ABCA4: variants seen among roughly 807,000 people sequenced by gnomAD.
ABCA4 encodes retinal-specific phospholipid-transporting ATPase ABCA4.
A neutral mutation model predicts 263.7 loss-of-function variants in ABCA4; 196 were observed. The observed-to-expected ratio is 0.74, with a 90% CI of 0.66 to 0.84. The LOEUF (loss-of-function observed/expected upper bound fraction) is 0.84. Among genes scored for constraint, ABCA4 ranks in the 40% least tolerant of loss-of-function variants. The pLI, the probability that ABCA4 is intolerant of heterozygous loss-of-function variation, is 0.00. For synonymous variants in ABCA4, 1,133 were observed against 1,094.2 expected (o/e 1.04, Z -0.70); for missense variants, 2,792 against 2,855.1 (o/e 0.98, Z 0.50).
At position 94,036,696 on chromosome 1, in the gene ABCA4, A is replaced by G. The variant is rs993454290; in HGVS notation, c.3862+44T>C. 3 of 1,598,394 alleles carry G rather than the reference A, an allele frequency of 1.9e-6. No individual in the cohort carries two copies. In the African/African-American group the frequency reaches 4.0e-5, roughly 21 times the overall value. On this transcript the variant is annotated intron_variant, in intron 26 of 49. Coordinates refer to ENST00000370225, the MANE Select transcript of ABCA4 (RefSeq NM_000350.3). ...TTAGACTTTCGAGATGGAACTTGGG[A>G]GGGAGGCAAGGAAGGGAACAAGCCA... is the stretch of plus-strand genomic sequence containing the variant.
At chr1:94,058,542 A>C (rs1661039537) in intron 14 of ABCA4, among the ~76,000 whole-genome samples, 1 of 152,138 alleles carries the variant, frequency 6.6e-6, no homozygotes, top group South Asian at 2.1e-4. Flanking sequence ...TTGTATTTTT[A>C]GGAGAGGCAG....
chr1:94,082,237 A>T (rs887358109), intron 7 of ABCA4, among the ~76,000 whole-genome samples: 15 of 152,204 alleles, frequency 9.9e-5, no homozygotes, highest in Non-Finnish European at 1.5e-5. Context: ...AAGCACTCAG[A>T]GATGAAGGGG....
intron 31 of ABCA4, among the ~76,000 whole-genome samples, chr1:94,023,919 C>A (rs1253047846): frequency 1.3e-5 from 2 of 152,164 alleles, no homozygotes; most frequent in African/African-American, 4.8e-5. Context: ...CAACTCTGGA[C>A]CCCAGAGCTC....
intron 19 of ABCA4, among the ~76,000 whole-genome samples, chr1:94,046,628 C>T (rs183864026): frequency 6.6e-6 from 1 of 152,020 alleles, no homozygotes; most frequent in Non-Finnish European, 1.5e-5. Flanking sequence ...CTGGCTTTTG[C>T]CCCCGCTGAG....
chr1:94,027,826 G>T (rs1221358260), intron 30 of ABCA4, among the ~76,000 whole-genome samples: 1 of 152,172 alleles, frequency 6.6e-6, no homozygotes, highest in Non-Finnish European at 1.5e-5. Flanking sequence ...TCTGCCCTCT[G>T]TTTTGCTTCA....
Position 93,992,997 on chromosome 1 carries a change from A to G in ABCA4, c.*240T>C. The G allele has an allele frequency of 1.7e-6, 1 of 575,512 alleles. No individual in the cohort carries two copies. Among genetic ancestry groups the G allele is most frequent in the Non-Finnish European group, 3.1e-6 (1 of 323,986 alleles). 35.7% of individuals were successfully genotyped at this position (575,512 alleles called of 1,614,324 possible). On this transcript the variant is annotated 3_prime_UTR_variant, in exon 50 of 50. Transcript: ENST00000370225. ...CGGGGTTTCTAGTTCTGGGGTCTGG[A>G]GAAGGATTTTGTATTTGTTTGGTTT...
chr1:94,091,340 T>A (rs1343737320), intron 6 of ABCA4, among the ~76,000 whole-genome samples: 1 of 152,078 alleles, frequency 6.6e-6, no homozygotes. Context: ...TACTGCCTAG[T>A]CCCGAGGGAG....
At chr1:94,028,349 A>G (rs1451596920) in intron 30 of ABCA4, among the ~76,000 whole-genome samples, 1 of 152,186 alleles carries the variant, frequency 6.6e-6, no homozygotes, top group Non-Finnish European at 1.5e-5. Flanking sequence ...GCTCACTGTA[A>G]TCTGTTCTGG....
At chr1:94,089,342 A>T (rs527282909) in intron 6 of ABCA4, among the ~76,000 whole-genome samples, 3 of 152,364 alleles carry the variant, frequency 2.0e-5, no homozygotes, top group South Asian at 2.1e-4. Flanking sequence ...GATTTTATGA[A>T]TATAGTAAAT....
At chr1:93,997,477 A>G (rs1014658173) in intron 48 of ABCA4, among the ~76,000 whole-genome samples, 1 of 149,132 alleles carries the variant, frequency 6.7e-6, no homozygotes, top group Non-Finnish European at 1.5e-5. Context: ...ACTTTGTTAC[A>G]TGGGCCTGTC....
chr1:94,058,020 A>T (rs1331649372), intron 14 of ABCA4, among the ~76,000 whole-genome samples: 1 of 152,196 alleles, frequency 6.6e-6, no homozygotes, highest in Non-Finnish European at 1.5e-5. Context: ...TGTATCTGTG[A>T]TGGGCATGCG....
intron 41 of ABCA4, among the ~76,000 whole-genome samples, 159 bp from the exon 42 acceptor site, chr1:94,008,456 C>G (rs982941010): frequency 5.9e-5 from 9 of 152,210 alleles, no homozygotes; most frequent in African/African-American, 2.2e-4. Flanking sequence ...AGTACTGAGA[C>G]ATCTCGAGGC....
Position 94,041,305 on chromosome 1 carries a change from G to A in ABCA4, c.3426C>T (p.Gly1142=), listed in dbSNP as rs750652946. 3.7e-6 allele frequency: 6 copies of A among 1,614,038 alleles called. No individual in the cohort carries two copies. The East Asian group carries it at 8.9e-5, about 24-fold the overall frequency. Reference sequence around the variant, plus strand: ...AGCAGTTCTTCAGGAAGAGTGGGGTGCCTGAGCAGTAGAGCCTTCCCTGGG... The same window carrying A: ...AGCAGTTCTTCAGGAAGAGTGGGGTACCTGAGCAGTAGAGCCTTCCCTGGG... ...IIAQGRLYCS[G]TPLFLKNCFG... Residue 1142 remains glycine, a synonymous_variant, in exon 23 of 50, where the codon GGC becomes GGT. Transcript: ENST00000370225.
intron 19 of ABCA4, chr1:94,045,912 C>G (rs1465560593): frequency 2.2e-6 from 1 of 456,296 alleles, no homozygotes; most frequent in Non-Finnish European, 4.4e-6. Context: ...GCCGTGTTCT[C>G]CTCTCAGCAG....
At chr1:94,046,874 A>G in intron 19 of ABCA4, 45 bp downstream of exon 19, 1 of 1,604,316 alleles carries the variant, frequency 6.2e-7, no homozygotes, top group South Asian at 1.1e-5. Context: ...AAGCCAGGAA[A>G]TGACAGGCTA....
chr1:94,093,062 A>G (rs1041568617), intron 6 of ABCA4, among the ~76,000 whole-genome samples: 2 of 152,152 alleles, frequency 1.3e-5, no homozygotes, highest in Non-Finnish European at 2.9e-5. Flanking sequence ...AGCCACTAAG[A>G]GATGCCTGTA....
intron 1 of ABCA4, among the ~76,000 whole-genome samples, chr1:94,118,284 A>G (rs1570439409): frequency 6.6e-6 from 1 of 152,164 alleles, no homozygotes; most frequent in Non-Finnish European, 1.5e-5. Context: ...GGAAGAAAAA[A>G]AGAGGGAGGA....
At chr1:94,116,802 A>G (rs145618578) in intron 1 of ABCA4, among the ~76,000 whole-genome samples, 2 of 151,462 alleles carry the variant, frequency 1.3e-5, no homozygotes, top group Non-Finnish European at 2.9e-5. Flanking sequence ...AGCAGCTCAG[A>G]CTCCCCCTAC....
At chr1:94,049,057 A>G in intron 17 of ABCA4, 100 bp from the exon 18 acceptor site, 1 of 1,159,406 alleles carries the variant, frequency 8.6e-7, no homozygotes, top group Non-Finnish European at 1.3e-6. Flanking sequence ...TGAGTTTCCT[A>G]GCCAGCCTTT....
Sources: allele counts gnomAD v4.1 joint callset (sites outside exome capture counted in the v4.1 genomes callset), GRCh38; gene constraint gnomAD v4.1.1; transcripts MANE v1.5; gene names NCBI Gene and HGNC (gene_info 2026-07-23, HGNC 2026-07-21).